Variants in MLLT6 observed in about 807,000 individuals in gnomAD.
MLLT6 encodes the protein MLLT6, PHD finger containing.
A neutral mutation model predicts 103.0 loss-of-function variants in MLLT6; 22 were observed. The ratio of observed to expected loss-of-function variants is 0.21; its 90% CI spans 0.15 to 0.31. The LOEUF is 0.31. Among genes scored for constraint, MLLT6 ranks in the 10% least tolerant of loss-of-function variants. The pLI is 1.00. For missense variants in MLLT6, 1,199 were observed against 1,441.7 expected (o/e 0.83, Z 2.73); for synonymous variants, 606 against 623.5 (o/e 0.97, Z 0.42).
Position 38,705,347 on chromosome 17 carries a change from G to A in MLLT6, c.-286G>A, listed in dbSNP as rs1473957659. On this transcript the variant is annotated 5_prime_UTR_variant, in exon 1 of 20. Transcript: ENST00000621332. ...GCCCTAGGAGCCGGGCGAGCGGCGC[G>A]GAGGGGGCGAGCCCGGCGTGCGAGT... Among the ~76,000 whole-genome samples, 1 of 149,660 alleles carries A rather than the reference G, an allele frequency of 6.7e-6. No individual in the cohort carries two copies. The highest frequency in any genetic ancestry group is 1.5e-5 in the Non-Finnish European group (1 of 66,910).
At chr17:38,713,101 C>G (rs1488634970) in intron 8 of MLLT6, 3 of 738,868 alleles carry the variant, frequency 4.1e-6, no homozygotes, top group South Asian at 2.8e-5. Context: ...GGCCTGCTCT[C>G]CAAGTTCTAG....
Position 38,729,698 on chromosome 17 carries a change from G to C in MLLT6, c.*4100G>C, listed in dbSNP as rs1906219160. On this transcript the variant is annotated 3_prime_UTR_variant, in exon 20 of 20. Transcript: ENST00000621332. ...TGGAATTGTGCATAACCCGGATCTT[G>C]TATCTTTGTATAACGGATGTTATTT... 4.6e-6 allele frequency: 1 copy of C among 217,246 alleles called. No homozygotes were observed. The highest frequency in any genetic ancestry group is 1.9e-4 in the South Asian group (1 of 5,372). 13.5% of individuals were successfully genotyped at this position (217,246 alleles called of 1,614,324 possible).
In MLLT6 at chr17:38,705,572, C is replaced by G; in HGVS notation, c.-61C>G. On this transcript the variant is annotated 5_prime_UTR_variant, in exon 1 of 20. Coordinates refer to ENST00000621332, the MANE Select transcript of MLLT6 (RefSeq NM_005937.4). ...CGGCCCCCCGCTCCCTCCCTCCCCC[C>G]TGACCCCCGACCCCCGCCGGCCGGC... 1.6e-6 allele frequency: 1 copy of G among 608,626 alleles called. No individual in the cohort carries two copies. The highest frequency in any genetic ancestry group is 2.3e-5 in the South Asian group (1 of 43,624). The allele number at this position is 608,626 out of a possible 1,614,324, so 37.7% of individuals were successfully genotyped here.
chr17:38,709,328 C>T lies in MLLT6; in HGVS notation c.458+52C>T. 1 of 1,473,456 alleles carries T rather than the reference C, an allele frequency of 6.8e-7. No homozygotes were observed. Among genetic ancestry groups the T allele is most frequent in the East Asian group, 2.3e-5 (1 of 44,232 alleles). 91.3% of individuals were successfully genotyped at this position (1,473,456 alleles called of 1,614,324 possible). ...CCCCCGGGTTTGTCCTGGATGGCCA[C>T]TGATCAGGCTCATCCTAGCTGCTGT... is the stretch of plus-strand genomic sequence containing the variant. On this transcript the variant is annotated intron_variant, in intron 5 of 19. Coordinates refer to ENST00000621332, the MANE Select transcript of MLLT6 (RefSeq NM_005937.4). The surrounding 1 kb of genome is among the most constrained non-coding windows in gnomAD (Gnocchi z 4.3).
rs201935068 is a variant in MLLT6 at position 38,725,624 on chromosome 17, C to G, written c.*26C>G. 8 of 1,565,594 alleles carry G rather than the reference C, an allele frequency of 5.1e-6. No individual in the cohort carries two copies. The highest frequency in any genetic ancestry group is 1.9e-5 in the Admixed American group (1 of 51,288). ...ATCCACCCTTACCCCTCCTGACCCC[C>G]CCAAGTGGAGGGAACAGATCCTGGC... On this transcript the variant is annotated 3_prime_UTR_variant, in exon 20 of 20. Transcript: ENST00000621332.
At chr17:38,708,548 A>T (rs1905026303) in intron 4 of MLLT6, among the ~76,000 whole-genome samples, 1 of 152,188 alleles carries the variant, frequency 6.6e-6, no homozygotes, top group Non-Finnish European at 1.5e-5. Flanking sequence ...CCATCCAAGG[A>T]CTGTGCTACC....
chr17:38,713,269 C>G (rs984376258), intron 8 of MLLT6: 15 of 425,130 alleles, frequency 3.5e-5, no homozygotes, highest in Non-Finnish European at 5.8e-5. Flanking sequence ...GACAGTATCC[C>G]GAAACTCCCA....
At chr17:38,722,898 G>A in intron 18 of MLLT6, 130 bp downstream of exon 18, 3 of 719,358 alleles carry the variant, frequency 4.2e-6, no homozygotes, top group Admixed American at 2.3e-5. Context: ...CTGGGCCTGT[G>A]GGACTGGGGC....
chr17:38,711,722 G>A, intron 6 of MLLT6, 125 bp from the exon 7 acceptor site: 2 of 1,216,730 alleles, frequency 1.6e-6, no homozygotes, highest in Non-Finnish European at 2.2e-6. Flanking sequence ...AGGACATGAG[G>A]TCCTCTTAGT....
chr17:38,712,208 C>G (rs890437577), intron 7 of MLLT6, 194 bp downstream of exon 7: 1 of 737,400 alleles, frequency 1.4e-6, no homozygotes, highest in Non-Finnish European at 1.7e-6. Context: ...TTCCCTGTGG[C>G]TGTGTTAGTG....
At chr17:38,719,633 C>T (rs778005610) in intron 13 of MLLT6, 50 bp downstream of exon 13, 20 of 1,572,724 alleles carry the variant, frequency 1.3e-5, no homozygotes, top group East Asian at 2.3e-5. Flanking sequence ...GAGGGACACC[C>T]GAGGGAGGAG....
At chr17:38,715,924 A>C in intron 9 of MLLT6, 96 bp downstream of exon 9, 7 of 1,071,858 alleles carry the variant, frequency 6.5e-6, no homozygotes, top group Middle Eastern at 2.0e-4. Flanking sequence ...TTTGCATCTC[A>C]TTTACTTCTC....
At chr17:38,719,659 C>T (rs747932732) in intron 13 of MLLT6, 76 bp downstream of exon 13, 23 of 1,566,126 alleles carry the variant, frequency 1.5e-5, no homozygotes, top group Middle Eastern at 3.4e-4. Context: ...GAGAGACCGG[C>T]GTGGGCTGGA....
intron 8 of MLLT6, 89 bp from the exon 9 acceptor site, chr17:38,715,523 G>C (rs1270235212): frequency 2.1e-6 from 3 of 1,463,268 alleles, no homozygotes; most frequent in African/African-American, 1.4e-5. Context: ...AGTTGAGCTA[G>C]GTCCTGTGCC....
At chr17:38,721,778 G>A in intron 16 of MLLT6, 100 bp from the exon 17 acceptor site, 6 of 750,452 alleles carry the variant, frequency 8.0e-6, no homozygotes. Context: ...GGGGTGAAGT[G>A]GGGGTTGCTG....
At chr17:38,707,641 T>C (rs1331231669) in intron 3 of MLLT6, 101 bp downstream of exon 3, 1 of 1,331,050 alleles carries the variant, frequency 7.5e-7, no homozygotes, top group African/African-American at 1.4e-5. Flanking sequence ...TTCCTTTCCC[T>C]GGCTGGCGCT....
At position 38,716,463 on chromosome 17, in the gene MLLT6, C is replaced by T; in HGVS notation, c.1133C>T (p.Ser378Leu). The stretch of plus-strand genomic sequence containing the variant: ...TCCAAGCCCACAGCCCCCGCCCCTT[C>T]AGCCCCTCCTTCTCCCTCAGCTCCC... ...KYSKPTAPAP[S>L]APPSPSAPEP... Residue 378 changes from serine (S) to leucine (L), a missense_variant, in exon 10 of 20, where the codon TCA becomes TTA. Transcript: ENST00000621332. This position sits in a 1 kb window ranked among gnomAD's most constrained non-coding sequence, Gnocchi z 5.6. The T allele has an allele frequency of 1.9e-6, 3 of 1,614,078 alleles. No individual in the cohort carries two copies. Among genetic ancestry groups the T allele is most frequent in the Non-Finnish European group, 2.5e-6 (3 of 1,179,962 alleles).
chr17:38,711,811 A>T (rs988142285), intron 6 of MLLT6, 36 bp from the exon 7 acceptor site: 2 of 1,482,656 alleles, frequency 1.3e-6, no homozygotes, highest in South Asian at 2.7e-5. Flanking sequence ...GCCCGTGAGA[A>T]GAGGGTTTGC....
rs1171629044 is a variant in MLLT6, at chr17:38,705,465, G to C, written c.-168G>C. On this transcript the variant is annotated 5_prime_UTR_variant, in exon 1 of 20. Transcript: ENST00000621332. ...GAGCGAGCGAGGAGGAGGAGGAGGA[G>C]GACGCGGAGGAGGAGGAAGGAGGAG... 4.5e-6 allele frequency: 2 copies of C among 447,374 alleles called. No homozygotes were observed. Among genetic ancestry groups the C allele is most frequent in the Non-Finnish European group, 8.1e-6 (2 of 248,406 alleles). The allele number at this position is 447,374 out of a possible 1,614,324, so 27.7% of individuals were successfully genotyped here.
Sources: allele counts gnomAD v4.1 joint callset (sites outside exome capture counted in the v4.1 genomes callset), GRCh38; gene constraint gnomAD v4.1.1; non-coding constraint Gnocchi (gnomAD v3.1); transcripts MANE v1.5; gene names NCBI Gene and HGNC (gene_info 2026-07-23, HGNC 2026-07-21).